The following HDAC9 variants were observed in gnomAD, a reference collection of about 807,000 sequenced individuals.
HDAC9 encodes the protein histone deacetylase 9.
Under a neutral mutation model 139.4 loss-of-function variants are expected in HDAC9, and 41 were observed. The observed-to-expected ratio is 0.29, with a 90% confidence interval of 0.23 to 0.38. The LOEUF (loss-of-function observed/expected upper bound fraction) is 0.38. Ranked by LOEUF, HDAC9 falls within the 10% of genes least tolerant of loss-of-function variation. HDAC9 has a pLI of 1.00. For synonymous variants in HDAC9, 517 were observed against 476.2 expected, an observed-to-expected ratio of 1.09 and a Z score of -1.12; for missense variants, 1,147 against 1,297.0, an observed-to-expected ratio of 0.88 and a Z score of 1.78.
intron 1 of HDAC9, among the ~76,000 whole-genome samples, chr7:18,398,849 A>C (rs116519786): frequency 0.01 from 1,540 of 152,270 alleles, 30 homozygotes; most frequent in African/African-American, 0.035. Context: ...CCTTAACTAG[A>C]GGAACCCAAA....
intron 11 of HDAC9, among the ~76,000 whole-genome samples, chr7:18,657,269 GT>G (rs1791540119): frequency 6.6e-6 from 1 of 152,074 alleles, no homozygotes; most frequent in Non-Finnish European, 1.5e-5. Context: ...TGGTCACTGT[GT>G]TTAATTGGGT....
intron 13 of HDAC9, among the ~76,000 whole-genome samples, chr7:18,737,385 C>T (rs1245264218): frequency 1.3e-5 from 2 of 152,270 alleles, no homozygotes; most frequent in Non-Finnish European, 2.9e-5. Flanking sequence ...CTATACATTT[C>T]CCTCTACACA....
At chr7:18,099,225 C>T (rs1385650581) in intron 1 of HDAC9, among the ~76,000 whole-genome samples, 6 of 151,962 alleles carry the variant, frequency 3.9e-5, no homozygotes, top group Admixed American at 2.0e-4. Context: ...TTTGGGAGGC[C>T]GAGGCAGGTG....
At chr7:18,248,603 C>A (rs568304629) in intron 2 of HDAC9, among the ~76,000 whole-genome samples, 1 of 152,254 alleles carries the variant, frequency 6.6e-6, no homozygotes, top group African/African-American at 2.4e-5. Flanking sequence ...TTCATTTGAT[C>A]ATTGTTTTAC....
chr7:18,277,086 A>AG (rs1371856235), intron 2 of HDAC9, among the ~76,000 whole-genome samples: 2 of 151,930 alleles, frequency 1.3e-5, no homozygotes, highest in African/African-American at 4.8e-5. Context: ...CATTGTTAAA[A>AG]AAACAAAACA....
upstream of HDAC9, among the ~76,000 whole-genome samples, chr7:18,494,403 T>C (rs1421155157): frequency 6.6e-6 from 1 of 152,072 alleles, no homozygotes. Flanking sequence ...CGGATTGTTC[T>C]GGGAATTTTG....
chr7:18,492,385 T>G (rs1796437277), upstream of HDAC9, among the ~76,000 whole-genome samples: 1 of 151,038 alleles, frequency 6.6e-6, no homozygotes, highest in African/African-American at 2.4e-5. Flanking sequence ...TTTTTAATAC[T>G]TTTTTTTTGC....
intron 1 of HDAC9, among the ~76,000 whole-genome samples, chr7:18,296,424 TTGTGTG>T (rs60293429): frequency 2.0e-5 from 3 of 150,496 alleles, no homozygotes; most frequent in African/African-American, 4.9e-5. Flanking sequence ...TAGCTCATAT[TTGTGTG>T]TGTGTGTGTG....
At position 18,786,615 on chromosome 7, in the gene HDAC9, TTCCC is replaced by T. The variant is rs796497256; in HGVS notation, c.2215-6718_2215-6715del. ...CTTCCTTCCTTCCTTCCTTCCTTCC[TTCCC>T]TCCCTCCCTCCTTCCTTCCTTTCTT... On this transcript the variant is annotated intron_variant, in intron 16 of 25. Transcript: ENST00000686413. Among the ~76,000 whole-genome samples the T allele has an allele frequency of 6.9e-3, 224 of 32,606 alleles. 13 individuals carry two copies. Among genetic ancestry groups the T allele is most frequent in the Non-Finnish European group, 0.011 (136 of 12,128 alleles). The allele number at this position is 32,606 out of a possible 152,430, so 21.4% of individuals were successfully genotyped here.
chr7:18,279,161 G>C (rs972484175), intron 2 of HDAC9, among the ~76,000 whole-genome samples: 75 of 152,136 alleles, frequency 4.9e-4, no homozygotes, highest in Admixed American at 4.9e-3. Context: ...TTTGACTGTA[G>C]CAAACTGCTT....
At chr7:18,629,875 T>C (rs1211095082) in intron 7 of HDAC9, among the ~76,000 whole-genome samples, 2 of 152,094 alleles carry the variant, frequency 1.3e-5, no homozygotes, top group East Asian at 3.9e-4. Flanking sequence ...ATGTACAAAA[T>C]ACATCTGGGA....
intron 1 of HDAC9, among the ~76,000 whole-genome samples, chr7:18,394,530 T>G (rs1046310859): frequency 6.6e-6 from 1 of 152,158 alleles, no homozygotes; most frequent in African/African-American, 2.4e-5. Context: ...ATTGGGACCC[T>G]GTTTTGGAAA....
intron 13 of HDAC9, among the ~76,000 whole-genome samples, chr7:18,747,538 A>G (rs1394025235): frequency 6.6e-6 from 1 of 152,200 alleles, no homozygotes; most frequent in Admixed American, 6.5e-5. Flanking sequence ...GTGGTTTAAG[A>G]TCATGAATTA....
chr7:18,471,020 T>A (rs1586136096), intron 1 of HDAC9, among the ~76,000 whole-genome samples: 3 of 152,096 alleles, frequency 2.0e-5, no homozygotes, highest in African/African-American at 2.4e-5. Flanking sequence ...CTTTTTTTTT[T>A]ATTTTGAACT....
intron 1 of HDAC9, among the ~76,000 whole-genome samples, chr7:18,411,143 G>T (rs1323993052): frequency 2.6e-5 from 4 of 152,152 alleles, no homozygotes; most frequent in Non-Finnish European, 5.9e-5. Flanking sequence ...CATCCATGGA[G>T]TGCTGGTGGG....
intron 1 of HDAC9, among the ~76,000 whole-genome samples, chr7:18,140,368 A>G (rs894365368): frequency 6.6e-6 from 1 of 152,182 alleles, no homozygotes; most frequent in South Asian, 2.1e-4. Context: ...ACATCTGCAT[A>G]AAAGTTATTG....
intron 1 of HDAC9, chr7:18,429,136 C>T (rs980954490): frequency 2.0e-5 from 3 of 152,158 alleles, no homozygotes; most frequent in Admixed American, 6.5e-5. Flanking sequence ...TACTTGCAAT[C>T]GATCTCCCCC....
intron 24 of HDAC9, among the ~76,000 whole-genome samples, chr7:18,956,079 T>C (rs1257862250): frequency 2.6e-5 from 4 of 152,148 alleles, no homozygotes; most frequent in Admixed American, 6.6e-5. Flanking sequence ...GCAAACCTGT[T>C]TGACTCTTGA....
intron 2 of HDAC9, among the ~76,000 whole-genome samples, chr7:18,230,592 A>T (rs932745348): frequency 4.6e-5 from 7 of 152,210 alleles, no homozygotes; most frequent in Admixed American, 4.6e-4. Context: ...GTTGTGCTCA[A>T]ATGAGGTCGT....
Sources: allele counts gnomAD v4.1 joint callset (sites outside exome capture counted in the v4.1 genomes callset), GRCh38; gene constraint gnomAD v4.1.1; transcripts MANE v1.5; gene names NCBI Gene and HGNC (gene_info 2026-07-23, HGNC 2026-07-21).